TMCO4: variants seen among roughly 807,000 people sequenced by gnomAD.
TMCO4 encodes the protein transmembrane and coiled-coil domain-containing protein 4.
A neutral mutation model predicts 64.7 loss-of-function variants in TMCO4; 58 were observed. The ratio of observed to expected loss-of-function variants is 0.90; its 90% confidence interval spans 0.73 to 1.12. The LOEUF is 1.12. TMCO4 is among the 50% of genes most tolerant of loss of function. The probability of loss-of-function intolerance (pLI) is 0.00; values close to 1 mark genes in which losing one functional copy is unlikely to be tolerated. For synonymous variants in TMCO4, 325 were observed against 346.1 expected (o/e 0.94, Z 0.68); for missense variants, 780 against 825.9 (o/e 0.94, Z 0.68).
Position 19,799,896 on chromosome 1 carries a change from G to T in TMCO4, c.-221C>A. The T allele has an allele frequency of 1.3e-5, 2 of 152,038 alleles. No homozygotes were observed. Among genetic ancestry groups the T allele is most frequent in the South Asian group, 3.8e-4 (2 of 5,328 alleles). 9.4% of individuals were successfully genotyped at this position (152,038 alleles called of 1,614,324 possible). On this transcript the variant is annotated 5_prime_UTR_variant, in exon 1 of 16. Coordinates refer to ENST00000294543, the MANE Select transcript of TMCO4 (RefSeq NM_181719.7). ...AGGCAAAGGCGGAGGCGGCAAAACC[G>T]GCGAGCGGCTCCTCCCGCCCGGCCC...
chr1:19,739,901 T>C lies in TMCO4; in HGVS notation c.1102A>G (p.Asn368Asp), dbSNP rs2095471380. Reference sequence around the variant, plus strand: ...CGATGGAGACACACCCCCCAGGGGTTGTCGATGACATTGGCGACACTGAGG... The same window carrying C: ...CGATGGAGACACACCCCCCAGGGGTCGTCGATGACATTGGCGACACTGAGG... The part of the protein sequence containing the change: ...SLLSVANVID[N>D]PWGVCLHRSA... Residue 368 changes from asparagine to aspartate, a missense_variant, in exon 12 of 16, where the codon AAC (asparagine) becomes GAC (aspartate). Transcript: ENST00000294543. 2 of 1,614,024 alleles carry C rather than the reference T, an allele frequency of 1.2e-6. No homozygotes were observed. Among genetic ancestry groups the C allele is most frequent in the Non-Finnish European group, 1.7e-6 (2 of 1,179,992 alleles).
At chr1:19,777,254 G>A (rs550246957) in intron 4 of TMCO4, among the ~76,000 whole-genome samples, 4 of 151,778 alleles carry the variant, frequency 2.6e-5, no homozygotes, top group African/African-American at 9.7e-5. Context: ...CTTGGGCCTT[G>A]TCCTGTGAGG....
chr1:19,792,944 T>C (rs746057056), intron 2 of TMCO4, among the ~76,000 whole-genome samples: 2 of 152,038 alleles, frequency 1.3e-5, no homozygotes, highest in Non-Finnish European at 2.9e-5. Flanking sequence ...CCAAGTTTTG[T>C]ATCTTTAGTA....
At chr1:19,704,832 T>C (rs2095293991) in intron 13 of TMCO4, among the ~76,000 whole-genome samples, 2 of 152,104 alleles carry the variant, frequency 1.3e-5, no homozygotes, top group Non-Finnish European at 2.9e-5. Context: ...CTGAGACTCG[T>C]AGTTGAACCC....
chr1:19,697,905 C>T (rs574974598), intron 14 of TMCO4, among the ~76,000 whole-genome samples: 76 of 152,088 alleles, frequency 5.0e-4, no homozygotes, highest in Non-Finnish European at 9.4e-4. Context: ...TGAGCCACTG[C>T]GCCTGTCCTC....
chr1:19,715,189 G>A (rs986086936), intron 13 of TMCO4, among the ~76,000 whole-genome samples: 3 of 152,134 alleles, frequency 2.0e-5, no homozygotes, highest in Non-Finnish European at 4.4e-5. Flanking sequence ...GGTGGTGTTC[G>A]TGTCACTGTA....
chr1:19,759,309 CCAA>C (rs1200112555), intron 6 of TMCO4, among the ~76,000 whole-genome samples: 1 of 152,038 alleles, frequency 6.6e-6, no homozygotes, highest in Non-Finnish European at 1.5e-5. Context: ...CCCTCGCTCT[CCAA>C]CCACCAGCCG....
intron 6 of TMCO4, among the ~76,000 whole-genome samples, chr1:19,759,181 T>G (rs1044939570): frequency 6.6e-6 from 1 of 151,452 alleles, no homozygotes; most frequent in Non-Finnish European, 1.5e-5. Flanking sequence ...TTGCTCTTAG[T>G]TCTTGTTTCC....
chr1:19,721,055 T>C (rs1206459487), intron 13 of TMCO4, among the ~76,000 whole-genome samples: 1 of 152,204 alleles, frequency 6.6e-6, no homozygotes, highest in Non-Finnish European at 1.5e-5. Flanking sequence ...GTTGGAATTC[T>C]CTCCAACCTC....
chr1:19,766,631 C>T (rs773440041), intron 6 of TMCO4, among the ~76,000 whole-genome samples: 3 of 152,162 alleles, frequency 2.0e-5, no homozygotes, highest in Non-Finnish European at 2.9e-5. Context: ...TACATGGATT[C>T]GCTCATGTAA....
intron 13 of TMCO4, among the ~76,000 whole-genome samples, chr1:19,715,649 G>A (rs1214990824): frequency 1.3e-5 from 2 of 152,198 alleles, no homozygotes; most frequent in Non-Finnish European, 2.9e-5. Context: ...TCAAGGAAAG[G>A]CAGTCGGTAA....
At chr1:19,706,291 C>T (rs2095302968) in intron 13 of TMCO4, among the ~76,000 whole-genome samples, 1 of 152,110 alleles carries the variant, frequency 6.6e-6, no homozygotes, top group Admixed American at 6.6e-5. Context: ...GTAGAATGCC[C>T]CCGGTTTTCA....
chr1:19,768,783 G>A (rs2042854305), intron 6 of TMCO4, among the ~76,000 whole-genome samples: 1 of 152,140 alleles, frequency 6.6e-6, no homozygotes, highest in African/African-American at 2.4e-5. Flanking sequence ...CTCAGGAATT[G>A]CCTGGATTCC....
intron 13 of TMCO4, among the ~76,000 whole-genome samples, chr1:19,720,005 A>T (rs1323669005): frequency 7.7e-5 from 9 of 116,948 alleles, no homozygotes; most frequent in Admixed American, 2.1e-4. Flanking sequence ...AAGGAAAATA[A>T]TTTTTTTTTT....
At position 19,755,651 on chromosome 1, in the gene TMCO4, G is replaced by C. The variant is rs753213387; in HGVS notation, c.498C>G (p.Ile166Met). Residue 166 changes from isoleucine to methionine, a missense_variant, in exon 7 of 16, where the codon ATC becomes ATG. By Grantham distance (10) the Ile-to-Met change is conservative. Transcript: ENST00000294543. ...EEMFLESLKEIKEEESEMAEA... is the reference protein window; with the variant it reads ...EEMFLESLKEMKEEESEMAEA... ...TCTCTTACTCAGATTCCTCTTCTTT[G>C]ATTTCCTTCAGGCTCTCCAGGAACA... The C allele has an allele frequency of 6.2e-6, 10 of 1,614,010 alleles. No individual in the cohort carries two copies. In the Admixed American group the frequency reaches 1.2e-4, roughly 19 times the overall value.
intron 15 of TMCO4, among the ~76,000 whole-genome samples, chr1:19,689,386 C>T (rs2095174364): frequency 6.6e-6 from 1 of 152,202 alleles, no homozygotes; most frequent in African/African-American, 2.4e-5. Flanking sequence ...AACTGCTGGT[C>T]CCAGAGGCAA....
At chr1:19,755,143 G>C (rs1194334905) in intron 7 of TMCO4, among the ~76,000 whole-genome samples, 6 of 151,764 alleles carry the variant, frequency 4.0e-5, no homozygotes, top group Non-Finnish European at 7.4e-5. Context: ...TTTCTTTTTT[G>C]AGACAAGAGT....
At chr1:19,762,013 G>A (rs1262865603) in intron 6 of TMCO4, among the ~76,000 whole-genome samples, 3 of 152,204 alleles carry the variant, frequency 2.0e-5, no homozygotes, top group Admixed American at 6.5e-5. Context: ...CTATGATGCC[G>A]CATTTTGCAA....
chr1:19,688,726 A>T (rs777367943), intron 15 of TMCO4, among the ~76,000 whole-genome samples: 10 of 152,200 alleles, frequency 6.6e-5, no homozygotes, highest in Non-Finnish European at 1.0e-4. Flanking sequence ...ACACCTGTAC[A>T]ACGGGTTACT....
Sources: allele counts gnomAD v4.1 joint callset (sites outside exome capture counted in the v4.1 genomes callset), GRCh38; gene constraint gnomAD v4.1.1; transcripts MANE v1.5; gene names NCBI Gene and HGNC (gene_info 2026-07-23, HGNC 2026-07-21).